Variants in SDK1 observed in about 807,000 individuals in gnomAD.
SDK1 encodes the protein protein sidekick-1.
SDK1 carries 157 observed loss-of-function variants against 245.5 expected under a neutral mutation model. The ratio of observed to expected loss-of-function variants is 0.64; its 90% CI spans 0.56 to 0.73. SDK1 has a LOEUF of 0.73. Among genes scored for constraint, SDK1 ranks in the 30% least tolerant of loss-of-function variants. The pLI is 0.00. For synonymous variants in SDK1, 1,647 were observed against 1,278.5 expected (o/e 1.29, Z -6.15); for missense variants, 3,583 against 3,002.3 (o/e 1.19, Z -4.52).
Position 3,781,163 on chromosome 7 carries a change from T to C in SDK1, c.714-40287T>C, listed in dbSNP as rs11505479. Among the ~76,000 whole-genome samples, 839 of 152,210 alleles carry C rather than the reference T, an allele frequency of 5.5e-3. 9 individuals are homozygous for C. The highest frequency in any genetic ancestry group is 0.019 in the African/African-American group (806 of 41,540). ...GTCTGCTTGTCCCAAGCAATGACTT[T>C]GCTAACCTCAGAGAACAGCCTATAG... is the stretch of plus-strand genomic sequence containing the variant. On this transcript the variant is annotated intron_variant, in intron 4 of 44. Coordinates refer to ENST00000404826, the MANE Select transcript of SDK1 (RefSeq NM_152744.4).
chr7:3,609,706 C>T (rs1242934498), intron 1 of SDK1, among the ~76,000 whole-genome samples: 2 of 137,316 alleles, frequency 1.5e-5, no homozygotes, highest in East Asian at 2.3e-4. Context: ...AGCCTCCCCA[C>T]CCCCCGCCAC....
intron 35 of SDK1, among the ~76,000 whole-genome samples, chr7:4,192,962 G>C (rs561543524): frequency 6.8e-6 from 1 of 147,460 alleles, no homozygotes; most frequent in East Asian, 2.0e-4. Flanking sequence ...ATATGTATTA[G>C]GATTCTCTAG....
chr7:4,107,110 C>A (rs1782975186), intron 22 of SDK1, among the ~76,000 whole-genome samples: 1 of 36,124 alleles, frequency 2.8e-5, no homozygotes, highest in South Asian at 9.0e-4. Context: ...ATACACACAT[C>A]CAGGGTGGGG....
chr7:3,734,706 A>G (rs780316788), intron 4 of SDK1, among the ~76,000 whole-genome samples: 2 of 152,242 alleles, frequency 1.3e-5, no homozygotes, highest in Non-Finnish European at 2.9e-5. Flanking sequence ...TTTGTGATGT[A>G]TGGGACATCT....
chr7:3,824,750 G>A (rs779961302), intron 5 of SDK1, among the ~76,000 whole-genome samples: 7 of 152,174 alleles, frequency 4.6e-5, no homozygotes, highest in Admixed American at 2.0e-4. Context: ...CTTATGGGAA[G>A]CAAAAGATAG....
chr7:3,960,876 T>C (rs1781622388), intron 8 of SDK1, among the ~76,000 whole-genome samples: 1 of 152,256 alleles, frequency 6.6e-6, no homozygotes, highest in African/African-American at 2.4e-5. Context: ...AATGTGAAGC[T>C]ATAAAATATT....
intron 4 of SDK1, among the ~76,000 whole-genome samples, chr7:3,676,440 C>G (rs2114977571): frequency 6.6e-6 from 1 of 152,034 alleles, no homozygotes; most frequent in Admixed American, 6.5e-5. Context: ...ATTCTCCTGC[C>G]TCAGCTTCCC....
chr7:3,496,643 C>CT (rs1782035702), intron 1 of SDK1, among the ~76,000 whole-genome samples: 1 of 152,156 alleles, frequency 6.6e-6, no homozygotes, highest in African/African-American at 2.4e-5. Context: ...TTGGTTTACA[C>CT]TTAACAGAGT....
At position 3,987,210 on chromosome 7, in the gene SDK1, C is replaced by A. The variant is rs1350630529; in HGVS notation, c.2019C>A (p.Asn673Lys). ...GTGAACTGCCTCATTCACCTCAGAA[C>A]CTCCTGGTCAGCCCTAATTCTTCCC... ...EVIELPHSPQ[N>K]LLVSPNSSHS... is the part of the protein sequence containing the mutation. Residue 673 changes from asparagine (N) to lysine (K), a missense_variant, in exon 14 of 45, where the codon AAC becomes AAA. By Grantham distance (94) the Asn-to-Lys change is moderately conservative. Transcript: ENST00000404826. The A allele has an allele frequency of 6.2e-7, 1 of 1,614,162 alleles. No homozygotes were observed.
chr7:4,234,619 C>G (rs1051641760), intron 41 of SDK1, among the ~76,000 whole-genome samples: 1 of 152,158 alleles, frequency 6.6e-6, no homozygotes, highest in African/African-American at 2.4e-5. Context: ...CCCCCAGCCC[C>G]CCATGTGCCT....
intron 4 of SDK1, among the ~76,000 whole-genome samples, chr7:3,724,642 A>G (rs939135505): frequency 6.6e-6 from 1 of 152,146 alleles, no homozygotes; most frequent in Non-Finnish European, 1.5e-5. Context: ...ATCCCAAGAA[A>G]AGCCCTGGAT....
chr7:3,477,167 A>C (rs1164362839), intron 1 of SDK1, among the ~76,000 whole-genome samples: 1 of 96,392 alleles, frequency 1.0e-5, no homozygotes. Flanking sequence ...CTAACACTTC[A>C]TTTTTGCTTT....
At position 3,303,747 on chromosome 7, in the gene SDK1, TC is replaced by T. The variant is rs577269810; in HGVS notation, c.298+1865del. On this transcript the variant is annotated intron_variant, in intron 1 of 44. Coordinates refer to ENST00000404826, the MANE Select transcript of SDK1 (RefSeq NM_152744.4). ...TTTGCTCTGTGAAATGTGTAATATA[TC>T]CATCTTTTTTTATATCGTATTGAAA... is the stretch of plus-strand genomic sequence containing the variant. Among the ~76,000 whole-genome samples, 14 of 152,324 alleles carry T rather than the reference TC, an allele frequency of 9.2e-5. No individual in the cohort carries two copies. The South Asian group carries it at 2.9e-3, about 32-fold the overall frequency.
At chr7:3,687,062 C>CACAT (rs1260604179) in intron 4 of SDK1, among the ~76,000 whole-genome samples, 1 of 101,494 alleles carries the variant, frequency 9.9e-6, no homozygotes, top group African/African-American at 5.9e-5. Context: ...TCAAAACACA[C>CACAT]ACACACACAC....
intron 17 of SDK1, among the ~76,000 whole-genome samples, chr7:4,030,951 A>C (rs1787766973): frequency 1.3e-5 from 2 of 152,182 alleles, no homozygotes; most frequent in South Asian, 4.1e-4. Flanking sequence ...TCGAACTTAG[A>C]TTTGTTACAT....
intron 4 of SDK1, among the ~76,000 whole-genome samples, chr7:3,676,605 G>A (rs761734558): frequency 1.6e-4 from 24 of 152,046 alleles, no homozygotes; most frequent in South Asian, 4.2e-4. Flanking sequence ...GATTACAGGC[G>A]TGAGCCACCA....
chr7:3,417,297 C>T (rs920206608), intron 1 of SDK1, among the ~76,000 whole-genome samples: 5 of 152,170 alleles, frequency 3.3e-5, no homozygotes, highest in African/African-American at 1.2e-4. Context: ...AGAGGTGGGA[C>T]ATGGGCTGCC....
intron 1 of SDK1, among the ~76,000 whole-genome samples, chr7:3,304,436 C>G (rs1421620331): frequency 6.6e-6 from 1 of 152,174 alleles, no homozygotes; most frequent in Non-Finnish European, 1.5e-5. Context: ...AGCTTTACTG[C>G]TGGACTCTTT....
At chr7:3,487,702 C>T (rs1781742336) in intron 1 of SDK1, among the ~76,000 whole-genome samples, 1 of 135,350 alleles carries the variant, frequency 7.4e-6, no homozygotes, top group Non-Finnish European at 1.5e-5. Flanking sequence ...CTGCAGTGAG[C>T]TGTGATCATG....
Sources: gnomAD v4.1 joint callset for allele counts (sites outside exome capture counted in the v4.1 genomes callset) on GRCh38, gnomAD v4.1.1 for gene constraint, MANE v1.5 for transcripts, NCBI Gene and HGNC (gene_info 2026-07-23, HGNC 2026-07-21) for gene names.